ZNF423: variants seen among roughly 807,000 people sequenced by gnomAD.
ZNF423 encodes zinc finger protein 423.
Under a neutral mutation model 95.8 loss-of-function variants are expected in ZNF423, and 12 were observed. That is an observed-to-expected ratio of 0.13 (90% CI 0.08 to 0.20). ZNF423 has a LOEUF of 0.20. Among genes scored for constraint, ZNF423 ranks in the 10% least tolerant of loss-of-function variants. The pLI, the probability that ZNF423 is intolerant of heterozygous loss-of-function variation, is 1.00. For synonymous variants in ZNF423, 749 were observed against 711.9 expected (o/e 1.05, Z -0.83); for missense variants, 1,316 against 1,737.1 (o/e 0.76, Z 4.31).
At chr16:49,570,457 A>G (rs941380898) in intron 5 of ZNF423, among the ~76,000 whole-genome samples, 2 of 152,208 alleles carry the variant, frequency 1.3e-5, no homozygotes, top group African/African-American at 4.8e-5. Flanking sequence ...ATCTTCATTT[A>G]TATGGTGAGT....
chr16:49,503,743 C>T (rs1052405562), intron 7 of ZNF423, among the ~76,000 whole-genome samples: 8 of 152,218 alleles, frequency 5.3e-5, no homozygotes, highest in African/African-American at 1.9e-4. Flanking sequence ...AGACAGGGAC[C>T]TTGTCTCAGC....
At chr16:49,543,315 C>T (rs776959593) in intron 5 of ZNF423, among the ~76,000 whole-genome samples, 2 of 152,162 alleles carry the variant, frequency 1.3e-5, no homozygotes, top group Non-Finnish European at 2.9e-5. Context: ...CCTTCTCCAG[C>T]ACCAGTCCTC....
chr16:49,725,580 T>TG (rs1319859423), intron 3 of ZNF423, among the ~76,000 whole-genome samples: 1 of 152,060 alleles, frequency 6.6e-6, no homozygotes, highest in Non-Finnish European at 1.5e-5. Context: ...GGGAGAGAGA[T>TG]GGGTGAGAAA....
At chr16:49,726,672 T>C (rs917141417) in intron 3 of ZNF423, among the ~76,000 whole-genome samples, 1 of 151,932 alleles carries the variant, frequency 6.6e-6, no homozygotes, top group Non-Finnish European at 1.5e-5. Flanking sequence ...ACAAACAATG[T>C]CTCCATTAGG....
Position 49,679,604 on chromosome 16 carries a change from T to C in ZNF423, c.302-40730A>G, listed in dbSNP as rs201263112. ...TCCAGACTTTTGGTGCAGATGAGCA[T>C]GGGAGGGACACCAAGAGGGAGCTAA... is the stretch of plus-strand genomic sequence containing the variant. On this transcript the variant is annotated intron_variant, in intron 3 of 7. Transcript: ENST00000563137. Among the ~76,000 whole-genome samples the C allele has an allele frequency of 6.5e-4, 99 of 152,348 alleles. 1 individual carries two copies. Among genetic ancestry groups the C allele is most frequent in the Admixed American group, 4.9e-3 (75 of 15,312 alleles).
chr16:49,760,917 C>CAT (rs755601929), intron 2 of ZNF423, among the ~76,000 whole-genome samples: 6 of 147,120 alleles, frequency 4.1e-5, no homozygotes, highest in African/African-American at 1.5e-4. Flanking sequence ...CTCCCTCCAA[C>CAT]ACACACACAC....
chr16:49,849,055 T>C (rs892679099), intron 1 of ZNF423, among the ~76,000 whole-genome samples: 6 of 152,228 alleles, frequency 3.9e-5, no homozygotes, highest in African/African-American at 1.4e-4. Flanking sequence ...CAAGGTTTTC[T>C]CCTCCTGTTC....
chr16:49,657,753 C>T (rs1229974364), intron 3 of ZNF423, among the ~76,000 whole-genome samples: 1 of 152,230 alleles, frequency 6.6e-6, no homozygotes, highest in African/African-American at 2.4e-5. Flanking sequence ...AGTGCCTCCT[C>T]GCCACATATG....
chr16:49,550,753 C>T (rs1405262006), intron 5 of ZNF423, among the ~76,000 whole-genome samples: 1 of 152,232 alleles, frequency 6.6e-6, no homozygotes, highest in Non-Finnish European at 1.5e-5. Flanking sequence ...CAAAGGGGCT[C>T]TCAACTCATG....
Position 49,812,860 on chromosome 16 carries a change from C to A in ZNF423, c.41-23314G>T, listed in dbSNP as rs575299578. Among the ~76,000 whole-genome samples the A allele has an allele frequency of 3.1e-3, 476 of 152,176 alleles. 3 individuals are homozygous for A. Among genetic ancestry groups the A allele is most frequent in the Non-Finnish European group, 4.9e-3 (333 of 68,006 alleles). On this transcript the variant is annotated intron_variant, in intron 1 of 7. Transcript: ENST00000563137. Reference sequence around the variant, plus strand: ...CATGTGTCTGAACACACGTAAATTGCCCTGGAACCAGACACAAGAAACTAG... The same window carrying A: ...CATGTGTCTGAACACACGTAAATTGACCTGGAACCAGACACAAGAAACTAG...
intron 5 of ZNF423, among the ~76,000 whole-genome samples, chr16:49,578,927 C>A (rs563974908): frequency 6.6e-6 from 1 of 152,186 alleles, no homozygotes; most frequent in Non-Finnish European, 1.5e-5. Context: ...TTGGTTGGGA[C>A]TGAGAGGGTG....
At chr16:49,632,633 C>T (rs1327729523) in intron 4 of ZNF423, among the ~76,000 whole-genome samples, 2 of 152,152 alleles carry the variant, frequency 1.3e-5, no homozygotes, top group African/African-American at 4.8e-5. Flanking sequence ...CCGCGCACAG[C>T]TGTGCATCCT....
chr16:49,799,921 C>T (rs1304983295), intron 1 of ZNF423, among the ~76,000 whole-genome samples: 2 of 152,128 alleles, frequency 1.3e-5, no homozygotes. Context: ...TCCTGCGTAG[C>T]TAGGACCACA....
At chr16:49,634,034 G>C (rs960992638) in intron 4 of ZNF423, among the ~76,000 whole-genome samples, 1 of 151,728 alleles carries the variant, frequency 6.6e-6, no homozygotes, top group Non-Finnish European at 1.5e-5. Flanking sequence ...AGCCTCGTGA[G>C]TATCTGGGAC....
chr16:49,577,173 C>T (rs1970527133), intron 5 of ZNF423, among the ~76,000 whole-genome samples: 2 of 152,176 alleles, frequency 1.3e-5, no homozygotes, highest in Non-Finnish European at 2.9e-5. Context: ...AGGAGCGGTG[C>T]TGTGAGCCAA....
intron 7 of ZNF423, among the ~76,000 whole-genome samples, chr16:49,512,052 C>G (rs768690731): frequency 3.4e-4 from 52 of 152,030 alleles, no homozygotes; most frequent in Non-Finnish European, 6.8e-4. Context: ...TATACTATAC[C>G]ATATTACATC....
At chr16:49,575,513 A>G (rs1443439995) in intron 5 of ZNF423, among the ~76,000 whole-genome samples, 1 of 152,168 alleles carries the variant, frequency 6.6e-6, no homozygotes, top group African/African-American at 2.4e-5. Context: ...AGTGCAGAGC[A>G]TGTGTTAGGA....
At chr16:49,652,138 G>A (rs1435750049) in intron 3 of ZNF423, among the ~76,000 whole-genome samples, 1 of 152,010 alleles carries the variant, frequency 6.6e-6, no homozygotes, top group African/African-American at 2.4e-5. Context: ...GGGGGATGAG[G>A]CTCAGACTCC....
intron 7 of ZNF423, among the ~76,000 whole-genome samples, chr16:49,491,867 C>A (rs1168727491): frequency 1.3e-5 from 2 of 152,178 alleles, no homozygotes; most frequent in African/African-American, 4.8e-5. Context: ...GCGGCCCAGG[C>A]AGGGGACAGG....
Sources: gnomAD v4.1 joint callset for allele counts (sites outside exome capture counted in the v4.1 genomes callset) on GRCh38, gnomAD v4.1.1 for gene constraint, MANE v1.5 for transcripts, NCBI Gene and HGNC (gene_info 2026-07-23, HGNC 2026-07-21) for gene names.